The following SGCZ variants were observed in gnomAD, a reference collection of about 807,000 sequenced individuals.
SGCZ encodes the protein sarcoglycan zeta.
A neutral mutation model predicts 41.3 loss-of-function variants in SGCZ; 40 were observed. That is an observed-to-expected ratio of 0.97 (90% CI 0.75 to 1.26). The LOEUF is 1.26. Among genes scored for constraint, SGCZ ranks in the 50% most tolerant of loss-of-function variants. The probability of loss-of-function intolerance (pLI) is 0.00; values close to 1 mark genes in which losing one functional copy is unlikely to be tolerated. For synonymous variants in SGCZ, 206 were observed against 137.5 expected (o/e 1.50, Z -3.49); for missense variants, 552 against 369.8 (o/e 1.49, Z -4.04).
chr8:14,324,789 T>G (rs1802037714), intron 2 of SGCZ, among the ~76,000 whole-genome samples: 1 of 151,980 alleles, frequency 6.6e-6, no homozygotes, highest in Admixed American at 6.6e-5. Context: ...CAGAATAAAA[T>G]TACTAAACAG....
intron 1 of SGCZ, among the ~76,000 whole-genome samples, chr8:15,118,257 G>C (rs1344152206): frequency 2.0e-5 from 3 of 152,108 alleles, no homozygotes; most frequent in Non-Finnish European, 4.4e-5. Flanking sequence ...CTATATTTCT[G>C]AGCAGGGCAA....
chr8:14,777,330 C>A (rs191560547), intron 1 of SGCZ, among the ~76,000 whole-genome samples: 1 of 151,776 alleles, frequency 6.6e-6, no homozygotes, highest in African/African-American at 2.4e-5. Flanking sequence ...GTAATATTAA[C>A]GACATTTAAT....
At chr8:14,212,796 CTG>C (rs2117099645) in intron 4 of SGCZ, among the ~76,000 whole-genome samples, 1 of 152,190 alleles carries the variant, frequency 6.6e-6, no homozygotes, top group South Asian at 2.1e-4. Context: ...AATAATGAAA[CTG>C]TTTCAATAAG....
At chr8:15,078,008 G>GA (rs1405474518) in intron 1 of SGCZ, among the ~76,000 whole-genome samples, 2 of 70 alleles carry the variant, frequency 0.029, no homozygotes, top group Non-Finnish European at 0.077. Flanking sequence ...CACTGGACTG[G>GA]AGGCCCCATG....
chr8:14,126,748 T>C (rs569865003), intron 5 of SGCZ, among the ~76,000 whole-genome samples: 2 of 152,262 alleles, frequency 1.3e-5, no homozygotes, highest in South Asian at 4.1e-4. Flanking sequence ...TGCCCATCAG[T>C]CATCAACTGG....
chr8:14,420,261 G>A lies in SGCZ; in HGVS notation c.235-96057C>T, dbSNP rs527641013. ...ATGATTCTCCTAAAGAAGACTAATA[G>A]AAACAAAAGAAAAATAAATCTTTGC... On this transcript the variant is annotated intron_variant, in intron 2 of 7. Transcript: ENST00000382080. 2.6e-5 allele frequency among the ~76,000 whole-genome samples: 4 copies of A among 151,684 alleles called. No homozygotes were observed. The Admixed American group carries it at 2.6e-4, about 10-fold the overall frequency.
chr8:14,116,383 A>G (rs1261724620), intron 5 of SGCZ, among the ~76,000 whole-genome samples: 8 of 152,132 alleles, frequency 5.3e-5, no homozygotes, highest in Admixed American at 3.9e-4. Context: ...TTAAAACATC[A>G]AAGTTTTACC....
At chr8:14,792,424 T>G (rs1585264160) in intron 1 of SGCZ, among the ~76,000 whole-genome samples, 1 of 152,118 alleles carries the variant, frequency 6.6e-6, no homozygotes, top group Non-Finnish European at 1.5e-5. Context: ...AAACATCAAC[T>G]CTCTATTCAA....
chr8:14,871,990 A>C (rs1297535032), intron 1 of SGCZ, among the ~76,000 whole-genome samples: 1 of 151,966 alleles, frequency 6.6e-6, no homozygotes, highest in Non-Finnish European at 1.5e-5. Context: ...ATGCAGCCAT[A>C]AAAAAGGATG....
intron 1 of SGCZ, among the ~76,000 whole-genome samples, chr8:15,154,117 G>C (rs577272681): frequency 6.6e-6 from 1 of 152,106 alleles, no homozygotes; most frequent in Non-Finnish European, 1.5e-5. Flanking sequence ...CATGTGGCCC[G>C]GTTCCTAACA....
At chr8:14,860,491 G>T (rs1458891795) in intron 1 of SGCZ, among the ~76,000 whole-genome samples, 2 of 145,144 alleles carry the variant, frequency 1.4e-5, no homozygotes, top group African/African-American at 5.1e-5. Context: ...AGAGGAGAAA[G>T]AGAAAGAGGA....
intron 1 of SGCZ, among the ~76,000 whole-genome samples, chr8:14,615,022 A>G (rs1424496535): frequency 1.3e-5 from 2 of 152,254 alleles, no homozygotes; most frequent in East Asian, 3.9e-4. Context: ...GTATATATAT[A>G]TATGAAAGCT....
intron 2 of SGCZ, among the ~76,000 whole-genome samples, chr8:14,389,891 C>G (rs895336184): frequency 5.9e-5 from 9 of 152,060 alleles, no homozygotes; most frequent in South Asian, 4.1e-4. Context: ...TTGTAAAGCA[C>G]TGACCAAGGG....
chr8:14,688,359 A>T (rs993657139), intron 1 of SGCZ, among the ~76,000 whole-genome samples: 8 of 152,080 alleles, frequency 5.3e-5, no homozygotes, highest in Admixed American at 1.3e-4. Context: ...TCCATCTTGA[A>T]TTAATTTTTG....
intron 3 of SGCZ, among the ~76,000 whole-genome samples, chr8:14,294,788 A>G (rs1800956537): frequency 6.6e-6 from 1 of 152,084 alleles, no homozygotes; most frequent in African/African-American, 2.4e-5. Context: ...CATCTAAAAC[A>G]TAGATGTCAC....
chr8:14,397,711 A>G (rs1271965206), intron 2 of SGCZ, among the ~76,000 whole-genome samples: 2 of 152,152 alleles, frequency 1.3e-5, no homozygotes, highest in African/African-American at 4.8e-5. Context: ...AGGTGAATGT[A>G]TCTGAGATCT....
intron 1 of SGCZ, among the ~76,000 whole-genome samples, chr8:15,026,158 T>C (rs1803450998): frequency 1.3e-5 from 2 of 151,990 alleles, no homozygotes; most frequent in Admixed American, 1.3e-4. Flanking sequence ...TTATATCAAA[T>C]CTAATTTGAA....
In SGCZ at chr8:14,262,780, G is replaced by A. The variant is rs1241462727; in HGVS notation, c.337-25101C>T. Among the ~76,000 whole-genome samples the A allele has an allele frequency of 8.8e-5, 13 of 148,424 alleles. 1 individual carries two copies. Among genetic ancestry groups the A allele is most frequent in the Non-Finnish European group, 1.8e-4 (12 of 67,378 alleles). ...AACCTAGAATTAAAAAAATCATGAT[G>A]CAAATCCCAGTCAAACAAAGTTTCA... On this transcript the variant is annotated intron_variant, in intron 3 of 7. Coordinates refer to ENST00000382080, the MANE Select transcript of SGCZ (RefSeq NM_139167.4).
chr8:14,309,162 A>AT, intron 3 of SGCZ: 1 of 1,474,238 alleles, frequency 6.8e-7, no homozygotes. Flanking sequence ...TGGTTTTTTA[A>AT]AAACGAAAAA....
Sources: allele counts gnomAD v4.1 joint callset (sites outside exome capture counted in the v4.1 genomes callset), GRCh38; gene constraint gnomAD v4.1.1; transcripts MANE v1.5; gene names NCBI Gene and HGNC (gene_info 2026-07-23, HGNC 2026-07-21).